Variants in ARHGEF4 observed in about 807,000 individuals in gnomAD.
ARHGEF4 encodes the protein Rho guanine nucleotide exchange factor 4.
A neutral mutation model predicts 162.0 loss-of-function variants in ARHGEF4; 119 were observed. The observed-to-expected ratio is 0.73, with a 90% CI of 0.63 to 0.86. The LOEUF is 0.86. Ranked by LOEUF, ARHGEF4 falls within the 40% of genes least tolerant of loss-of-function variation. ARHGEF4 has a pLI of 0.00. For synonymous variants in ARHGEF4, 1,014 were observed against 979.9 expected, an observed-to-expected ratio of 1.03 and a Z score of -0.65; for missense variants, 2,488 against 2,456.0, an observed-to-expected ratio of 1.01 and a Z score of -0.28.
rs910217560 is a variant in ARHGEF4, at chr2:130,983,798, C to T, written c.3985+37163C>T. ...CTGAATAGCTGGGACTACAGGCGTC[C>T]GCCACCACACCCGGCTAATTTTTTG... On this transcript the variant is annotated intron_variant, in intron 4 of 13. Transcript: ENST00000409359. Among the ~76,000 whole-genome samples the T allele has an allele frequency of 1.4e-4, 22 of 152,158 alleles. No homozygotes were observed. In the East Asian group the frequency reaches 2.1e-3, roughly 15 times the overall value.
At chr2:131,026,605 C>T (rs10182359) in intron 4 of ARHGEF4, among the ~76,000 whole-genome samples, 128,694 of 152,232 alleles carry the variant, frequency 0.85, 56,967 homozygotes, top group Non-Finnish European at 0.98. Flanking sequence ...ATAAACACTT[C>T]ACATTAAAGG....
At chr2:130,903,719 G>A (rs577925493) in intron 1 of ARHGEF4, among the ~76,000 whole-genome samples, 10 of 152,208 alleles carry the variant, frequency 6.6e-5, no homozygotes, top group East Asian at 5.8e-4. Flanking sequence ...TATTATTCTC[G>A]TGATTGTGCC....
chr2:131,020,131 C>A (rs1449758927), intron 4 of ARHGEF4, among the ~76,000 whole-genome samples: 1 of 152,156 alleles, frequency 6.6e-6, no homozygotes, highest in African/African-American at 2.4e-5. Context: ...ATGTCATCTG[C>A]AAACAGATAA....
chr2:130,969,048 T>C (rs766664387), intron 4 of ARHGEF4, among the ~76,000 whole-genome samples: 1 of 152,176 alleles, frequency 6.6e-6, no homozygotes, highest in African/African-American at 2.4e-5. Flanking sequence ...TTAGAGATGA[T>C]CATAAGTAGA....
chr2:130,844,697 C>G (rs1680832686), intron 1 of ARHGEF4, among the ~76,000 whole-genome samples: 1 of 152,084 alleles, frequency 6.6e-6, no homozygotes, highest in Admixed American at 6.6e-5. Context: ...AACCCCTTCA[C>G]TCTCAGGGGC....
At chr2:131,026,965 T>C (rs1296846236) in intron 4 of ARHGEF4, among the ~76,000 whole-genome samples, 4 of 152,214 alleles carry the variant, frequency 2.6e-5, no homozygotes, top group African/African-American at 7.2e-5. Flanking sequence ...GCGTAAGCAA[T>C]ACACAATACA....
chr2:130,973,021 C>T (rs187595876), intron 4 of ARHGEF4, among the ~76,000 whole-genome samples: 1 of 152,080 alleles, frequency 6.6e-6, no homozygotes, highest in Non-Finnish European at 1.5e-5. Flanking sequence ...TTGGAATATA[C>T]AAAGATTATA....
At chr2:130,868,116 G>T (rs908268251) in intron 1 of ARHGEF4, among the ~76,000 whole-genome samples, 1 of 151,564 alleles carries the variant, frequency 6.6e-6, no homozygotes, top group Non-Finnish European at 1.5e-5. Context: ...TAGTAGAGAT[G>T]GGGTTTCACC....
chr2:131,020,273 T>G (rs908087067), intron 4 of ARHGEF4, among the ~76,000 whole-genome samples: 4 of 151,918 alleles, frequency 2.6e-5, no homozygotes, highest in Non-Finnish European at 4.4e-5. Flanking sequence ...TGTGCCATGT[T>G]GGTGTGCTGC....
chr2:131,040,163 T>A lies in ARHGEF4; in HGVS notation c.4453T>A (p.Tyr1485Asn). The change falls in exon 7 of 14, where the codon TAC becomes AAC. Residue 1485 changes from tyrosine (Y) to asparagine (N), a missense_variant. Physicochemically the swap from Tyr to Asn is moderately radical, Grantham distance 143 (BLOSUM62 -2). This residue lies in a region of ARHGEF4 where 174 missense variants were observed against 148.3 expected (regional missense o/e 1.17). Transcript: ENST00000409359. Reference sequence around the variant, plus strand: ...CGAGATCCTCAGCACTGAGCGGGACTACATCAAGCACCTGCGCGACATCTG... The same window carrying A: ...CGAGATCCTCAGCACTGAGCGGGACAACATCAAGCACCTGCGCGACATCTG... ...INEILSTERD[Y>N]IKHLRDICEG... 6.2e-7 allele frequency: 1 copy of A among 1,612,166 alleles called. No individual in the cohort carries two copies. The highest frequency in any genetic ancestry group is 1.7e-5 in the Admixed American group (1 of 59,946).
rs982251615 is a variant in ARHGEF4 at position 131,026,978 on chromosome 2, T to C, written c.3986-967T>C. Among the ~76,000 whole-genome samples the C allele has an allele frequency of 2.6e-5, 4 of 152,350 alleles. No homozygotes were observed. The East Asian group carries it at 7.7e-4, about 29-fold the overall frequency. On this transcript the variant is annotated intron_variant, in intron 4 of 13. Transcript: ENST00000409359. Reference sequence around the variant, plus strand: ...TTGCGTAAGCAATACACAATACATTTGTGGTATTGATTTCATAGGGGCAGG... The same window carrying C: ...TTGCGTAAGCAATACACAATACATTCGTGGTATTGATTTCATAGGGGCAGG...
chr2:131,006,648 C>T (rs1265449712), intron 4 of ARHGEF4, among the ~76,000 whole-genome samples: 1 of 152,254 alleles, frequency 6.6e-6, no homozygotes, highest in Non-Finnish European at 1.5e-5. Context: ...AATCTTAGCA[C>T]TTACCTAGGC....
intron 11 of ARHGEF4, 94 bp from the exon 12 acceptor site, chr2:131,044,205 A>G: frequency 1.3e-6 from 2 of 1,520,710 alleles, no homozygotes; most frequent in Non-Finnish European, 1.8e-6. Context: ...CATCACCAGC[A>G]GCCCCTCCTA....
chr2:130,949,385 G>A (rs571635319), intron 4 of ARHGEF4, among the ~76,000 whole-genome samples: 18 of 152,012 alleles, frequency 1.2e-4, no homozygotes, highest in African/African-American at 4.1e-4. Flanking sequence ...ACGGAGTCTC[G>A]CTCTGTCACC....
chr2:131,007,662 A>G (rs1354725138), intron 4 of ARHGEF4, among the ~76,000 whole-genome samples: 1 of 151,850 alleles, frequency 6.6e-6, no homozygotes, highest in Non-Finnish European at 1.5e-5. Flanking sequence ...ATGCCTTTTC[A>G]TTGTTTGTCT....
intron 3 of ARHGEF4, among the ~76,000 whole-genome samples, chr2:130,942,023 T>C (rs1382983610): frequency 6.6e-6 from 1 of 152,164 alleles, no homozygotes; most frequent in Non-Finnish European, 1.5e-5. Flanking sequence ...TAAGATTCTT[T>C]GATTGTAAAA....
chr2:130,968,329 G>A (rs1685133683), intron 4 of ARHGEF4, among the ~76,000 whole-genome samples: 1 of 152,190 alleles, frequency 6.6e-6, no homozygotes, highest in Admixed American at 6.5e-5. Flanking sequence ...CTATAATGTG[G>A]GGCAGGCCAG....
intron 1 of ARHGEF4, among the ~76,000 whole-genome samples, chr2:130,890,221 T>G (rs1160322054): frequency 1.3e-5 from 2 of 152,240 alleles, no homozygotes; most frequent in African/African-American, 4.8e-5. Flanking sequence ...TAAGCTGATA[T>G]TAAACCATCT....
At chr2:130,933,994 T>C (rs910099281) in intron 3 of ARHGEF4, among the ~76,000 whole-genome samples, 1 of 152,202 alleles carries the variant, frequency 6.6e-6, no homozygotes. Context: ...GGGGTGTCGT[T>C]GTCTTCTTGG....
Sources: gnomAD v4.1 joint callset for allele counts (sites outside exome capture counted in the v4.1 genomes callset) on GRCh38, gnomAD v4.1.1 for gene constraint, gnomAD v4.1.1 regional missense constraint, MANE v1.5 for transcripts, NCBI Gene and HGNC (gene_info 2026-07-23, HGNC 2026-07-21) for gene names.